Variants in NRXN1 observed in about 807,000 individuals in gnomAD.
The protein encoded by NRXN1 is neurexin-1.
A neutral mutation model predicts 150.9 loss-of-function variants in NRXN1; 39 were observed. The observed-to-expected ratio is 0.26, with a 90% CI of 0.20 to 0.34. The LOEUF is 0.34. Among genes scored for constraint, NRXN1 ranks in the 10% least tolerant of loss-of-function variants. NRXN1 has a pLI of 1.00. For synonymous variants in NRXN1, 924 were observed against 757.0 expected (o/e 1.22, Z -3.62); for missense variants, 1,815 against 1,949.9 (o/e 0.93, Z 1.30).
At chr2:50,225,786 C>G (rs555192495) in intron 18 of NRXN1, among the ~76,000 whole-genome samples, 1 of 151,836 alleles carries the variant, frequency 6.6e-6, no homozygotes, top group Non-Finnish European at 1.5e-5. Context: ...ATTATTTATG[C>G]CCCAAACTTA....
At chr2:50,863,588 C>T (rs1676453670) in intron 5 of NRXN1, among the ~76,000 whole-genome samples, 1 of 151,974 alleles carries the variant, frequency 6.6e-6, no homozygotes, top group South Asian at 2.1e-4. Flanking sequence ...CTCTAAATGG[C>T]CACACTTTTT....
At chr2:50,925,988 G>C in intron 2 of NRXN1, 33 bp from the exon 3 acceptor site, 2 of 1,555,374 alleles carry the variant, frequency 1.3e-6, no homozygotes, top group Non-Finnish European at 1.7e-6. Context: ...GAGAGAAAAG[G>C]AAAAACATTC....
intron 18 of NRXN1, among the ~76,000 whole-genome samples, chr2:50,150,930 G>C (rs1221643456): frequency 6.6e-6 from 1 of 151,700 alleles, no homozygotes; most frequent in East Asian, 1.9e-4. Flanking sequence ...ACTGCATCTA[G>C]AGCCAAGTGT....
At chr2:50,888,752 T>C (rs936294102) in intron 5 of NRXN1, among the ~76,000 whole-genome samples, 4 of 151,676 alleles carry the variant, frequency 2.6e-5, no homozygotes, top group African/African-American at 2.4e-5. Flanking sequence ...ATCAGAACAA[T>C]AATGCAGGTA....
intron 2 of NRXN1, among the ~76,000 whole-genome samples, chr2:50,946,894 G>C (rs1252060937): frequency 1.3e-5 from 2 of 152,084 alleles, no homozygotes; most frequent in South Asian, 2.1e-4. Context: ...GCTGAATATT[G>C]CTTAAACTGT....
At chr2:50,197,008 G>A (rs1254373270) in intron 18 of NRXN1, among the ~76,000 whole-genome samples, 1 of 152,094 alleles carries the variant, frequency 6.6e-6, no homozygotes, top group Non-Finnish European at 1.5e-5. Context: ...AACCCCCATG[G>A]CTTGAGCTTA....
intron 17 of NRXN1, among the ~76,000 whole-genome samples, chr2:50,361,475 C>G (rs186780155): frequency 1.3e-5 from 2 of 152,134 alleles, no homozygotes; most frequent in African/African-American, 4.8e-5. Flanking sequence ...TCAAAGAACA[C>G]TATAAACACC....
chr2:50,377,104 A>G lies in NRXN1; in HGVS notation c.3364+88338T>C, dbSNP rs2080566389. On this transcript the variant is annotated intron_variant, in intron 17 of 22. Transcript: ENST00000401669. ...CCCATTTTTTTCTTTTAAAAAATTA[A>G]TTTAAGATCCAAGATACATGTGAAG... Among the ~76,000 whole-genome samples, 2 of 152,034 alleles carry G rather than the reference A, an allele frequency of 1.3e-5. 1 individual carries two copies. Among genetic ancestry groups the G allele is most frequent in the South Asian group, 4.1e-4 (2 of 4,826 alleles).
At chr2:49,963,686 A>G (rs746115869) in intron 21 of NRXN1, among the ~76,000 whole-genome samples, 35 of 152,116 alleles carry the variant, frequency 2.3e-4, no homozygotes, top group Non-Finnish European at 4.1e-4. Flanking sequence ...GATCCCTCTC[A>G]CCCCCATCCT....
At chr2:50,548,490 T>G (rs1429352374) in intron 9 of NRXN1, among the ~76,000 whole-genome samples, 1 of 152,146 alleles carries the variant, frequency 6.6e-6, no homozygotes, top group African/African-American at 2.4e-5. Flanking sequence ...ATTAAAAGAG[T>G]GCCATTATTC....
chr2:50,762,757 T>A (rs1418964001), intron 5 of NRXN1, among the ~76,000 whole-genome samples: 1 of 151,968 alleles, frequency 6.6e-6, no homozygotes, highest in African/African-American at 2.4e-5. Flanking sequence ...GGCACCTAGG[T>A]TGCTTCCCTG....
intron 21 of NRXN1, among the ~76,000 whole-genome samples, chr2:50,003,410 A>G (rs1213119940): frequency 6.6e-6 from 1 of 152,122 alleles, no homozygotes; most frequent in Non-Finnish European, 1.5e-5. Context: ...TATTTCTTAA[A>G]TTTGTGATGT....
At chr2:50,551,018 G>T (rs1352062500) in intron 9 of NRXN1, among the ~76,000 whole-genome samples, 2 of 89,334 alleles carry the variant, frequency 2.2e-5, no homozygotes, top group African/African-American at 5.1e-5. Context: ...GGAGGAGGAA[G>T]AGGAAGAGGA....
chr2:50,450,956 G>T (rs996414415), intron 17 of NRXN1, among the ~76,000 whole-genome samples: 10 of 152,098 alleles, frequency 6.6e-5, no homozygotes, highest in Non-Finnish European at 1.0e-4. Context: ...CTAACTAGGA[G>T]AAGTCACATG....
intron 5 of NRXN1, among the ~76,000 whole-genome samples, chr2:50,683,646 A>AAAAAAAAAAAAAT: frequency 6.7e-5 from 1 of 14,906 alleles, no homozygotes; most frequent in African/African-American, 3.6e-4. Flanking sequence ...AAAAAAAAAA[A>AAAAAAAAAAAAAT]ATATATATAT....
intron 22 of NRXN1, among the ~76,000 whole-genome samples, chr2:49,940,286 C>T (rs547093664): frequency 2.0e-5 from 3 of 152,264 alleles, no homozygotes; most frequent in Non-Finnish European, 4.4e-5. Flanking sequence ...AGAATATTTA[C>T]CTCAATATGT....
chr2:50,239,773 T>C (rs1051687317), intron 17 of NRXN1, among the ~76,000 whole-genome samples: 1 of 144,558 alleles, frequency 6.9e-6, no homozygotes, highest in African/African-American at 2.5e-5. Flanking sequence ...GTTAATTGGA[T>C]GTCAGTCTGA....
chr2:49,960,140 T>C (rs778348450), intron 21 of NRXN1, among the ~76,000 whole-genome samples: 28 of 152,188 alleles, frequency 1.8e-4, no homozygotes, highest in Non-Finnish European at 2.1e-4. Context: ...ATTTTAAGTA[T>C]GTTGCCATGG....
Position 49,941,484 on chromosome 2 carries a change from C to T in NRXN1, c.4216+2220G>A, listed in dbSNP as rs115631731. On this transcript the variant is annotated intron_variant, in intron 22 of 22. Coordinates refer to ENST00000401669, the MANE Select transcript of NRXN1 (RefSeq NM_001330078.2). Reference sequence around the variant, plus strand: ...GTCCATAAGGAATGGTTAATCAGACCTATAAGCAATGGCTCGAAGAACTGG... The same window carrying T: ...GTCCATAAGGAATGGTTAATCAGACTTATAAGCAATGGCTCGAAGAACTGG... Among the ~76,000 whole-genome samples the T allele has an allele frequency of 4.2e-3, 642 of 151,858 alleles. 9 individuals carry two copies. Among genetic ancestry groups the T allele is most frequent in the African/African-American group, 0.015 (613 of 41,410 alleles).
Sources: gnomAD v4.1 joint callset for allele counts (sites outside exome capture counted in the v4.1 genomes callset) on GRCh38, gnomAD v4.1.1 for gene constraint, MANE v1.5 for transcripts, NCBI Gene and HGNC (gene_info 2026-07-23, HGNC 2026-07-21) for gene names.